The following UBE3D variants were observed in gnomAD, a reference collection of about 807,000 sequenced individuals.
UBE3D encodes the protein ubiquitin protein ligase E3D.
In UBE3D, 48 loss-of-function variants were observed where a neutral mutation model predicts 49.6. That is an observed-to-expected ratio of 0.97 (90% CI 0.77 to 1.23). The LOEUF (loss-of-function observed/expected upper bound fraction) is 1.23. Among genes scored for constraint, UBE3D ranks in the 50% most tolerant of loss-of-function variants. UBE3D has a pLI of 0.00. For missense variants in UBE3D, 452 were observed against 468.4 expected (o/e 0.96, Z 0.32); for synonymous variants, 189 against 174.2 (o/e 1.08, Z -0.67).
At chr6:83,013,963 G>A (rs1480697319) in intron 8 of UBE3D, among the ~76,000 whole-genome samples, 1 of 152,240 alleles carries the variant, frequency 6.6e-6, no homozygotes, top group Non-Finnish European at 1.5e-5. Flanking sequence ...CCTGAGGTAG[G>A]AAAATAAAGG....
At position 82,993,569 on chromosome 6, in the gene UBE3D, T is replaced by C. The variant is rs1779045073; in HGVS notation, c.1010+25404A>G. On this transcript the variant is annotated intron_variant, in intron 8 of 9. Coordinates refer to ENST00000369747, the MANE Select transcript of UBE3D (RefSeq NM_198920.3). ...CAATGCCTACACATCACTTCATTCA[T>C]GTGGATTCAACATAGGAATCAGTGT... Among the ~76,000 whole-genome samples the C allele has an allele frequency of 2.6e-5, 4 of 152,228 alleles. No individual in the cohort carries two copies. In the South Asian group the frequency reaches 8.3e-4, roughly 32 times the overall value.
chr6:82,915,841 T>G (rs750731244), intron 9 of UBE3D, among the ~76,000 whole-genome samples: 23 of 152,122 alleles, frequency 1.5e-4, no homozygotes, highest in Non-Finnish European at 3.4e-4. Flanking sequence ...TGACAACAGG[T>G]AGAGCAGGAA....
intron 9 of UBE3D, among the ~76,000 whole-genome samples, chr6:82,956,906 T>C (rs543621301): frequency 1.9e-4 from 29 of 152,324 alleles, no homozygotes; most frequent in African/African-American, 6.7e-4. Context: ...GGCACGCAGA[T>C]TGCCTGAGCT....
intron 4 of UBE3D, 49 bp from the exon 5 acceptor site, chr6:83,038,534 A>G: frequency 6.7e-7 from 1 of 1,500,120 alleles, no homozygotes; most frequent in South Asian, 1.2e-5. Context: ...TTTTCTTAAA[A>G]GGAATATATA....
In UBE3D at chr6:83,054,216, T is replaced by C; in HGVS notation, c.297A>G (p.Gln99=). The C allele has an allele frequency of 6.2e-7, 1 of 1,614,044 alleles. No homozygotes were observed. Among genetic ancestry groups the C allele is most frequent in the South Asian group, 1.1e-5 (1 of 91,078 alleles). ...LGTKLISMFN[Q]SSQTQECCTF... Reference sequence around the variant, plus strand: ...TGCAACATTCTTGGGTTTGCGAGCTTTGATTAAACATTGAAATCAGTTCTA... The same window carrying C: ...TGCAACATTCTTGGGTTTGCGAGCTCTGATTAAACATTGAAATCAGTTCTA... Residue 99 remains glutamine, a synonymous_variant, in exon 3 of 10, where the codon CAA becomes CAG. Coordinates refer to ENST00000369747, the MANE Select transcript of UBE3D (RefSeq NM_198920.3).
chr6:83,038,041 G>A (rs540653750), intron 5 of UBE3D: 229 of 146,778 alleles, frequency 1.6e-3, no homozygotes, highest in Non-Finnish European at 2.1e-3. Context: ...GAGTTACCAG[G>A]AAGGTAAAAT....
At chr6:83,022,819 C>T (rs558171448) in intron 6 of UBE3D, among the ~76,000 whole-genome samples, 1 of 151,546 alleles carries the variant, frequency 6.6e-6, no homozygotes, top group African/African-American at 2.4e-5. Flanking sequence ...AACTATTCAC[C>T]CCTACTGAAT....
At chr6:83,020,098 A>G (rs756265535) in intron 7 of UBE3D, among the ~76,000 whole-genome samples, 13 of 152,192 alleles carry the variant, frequency 8.5e-5, no homozygotes, top group Non-Finnish European at 5.9e-5. Flanking sequence ...ACTTTTTTGC[A>G]AGGTGATAAT....
intron 8 of UBE3D, among the ~76,000 whole-genome samples, chr6:82,968,474 C>T (rs139208538): frequency 1.1e-3 from 167 of 152,118 alleles, no homozygotes; most frequent in African/African-American, 3.9e-3. Flanking sequence ...ATCTTTTCTC[C>T]CAGTTTTCTT....
downstream of UBE3D, among the ~76,000 whole-genome samples, chr6:82,888,251 C>G (rs531726024): frequency 6.6e-6 from 1 of 150,928 alleles, no homozygotes; most frequent in East Asian, 2.0e-4. Context: ...AGGCAATCTA[C>G]TGCTGCTACT....
At chr6:82,914,489 G>A (rs1319041851) in intron 9 of UBE3D, among the ~76,000 whole-genome samples, 2 of 152,142 alleles carry the variant, frequency 1.3e-5, no homozygotes, top group Admixed American at 1.3e-4. Context: ...AGACACAGAC[G>A]ACATGGGGTA....
At chr6:82,926,824 AGT>A in intron 9 of UBE3D, among the ~76,000 whole-genome samples, 1 of 152,074 alleles carries the variant, frequency 6.6e-6, no homozygotes, top group South Asian at 2.1e-4. Flanking sequence ...TATTCTCTAT[AGT>A]GTCTTTTGCA....
At chr6:82,980,481 T>C (rs980276914) in intron 8 of UBE3D, among the ~76,000 whole-genome samples, 3 of 152,122 alleles carry the variant, frequency 2.0e-5, no homozygotes, top group Admixed American at 2.0e-4. Flanking sequence ...ATATTAGTCC[T>C]CTGTCAGTTG....
chr6:83,063,159 T>C (rs1272803742), intron 1 of UBE3D: 4 of 281,600 alleles, frequency 1.4e-5, no homozygotes, highest in Admixed American at 4.5e-5. Flanking sequence ...ATACCTGTAA[T>C]CCCAGCACTT....
At chr6:83,045,707 T>C (rs1782979191) in intron 3 of UBE3D, among the ~76,000 whole-genome samples, 1 of 152,168 alleles carries the variant, frequency 6.6e-6, no homozygotes, top group Non-Finnish European at 1.5e-5. Flanking sequence ...AGTGTATTAG[T>C]TCCCATATAC....
chr6:82,923,963 G>C (rs1434424652), intron 9 of UBE3D, among the ~76,000 whole-genome samples: 2 of 151,918 alleles, frequency 1.3e-5, no homozygotes, highest in East Asian at 3.9e-4. Context: ...ACAAATTTCA[G>C]CTTGTAATAT....
intron 3 of UBE3D, among the ~76,000 whole-genome samples, chr6:83,045,274 A>C: frequency 6.6e-6 from 1 of 151,716 alleles, no homozygotes; most frequent in East Asian, 1.9e-4. Flanking sequence ...CCAATCTATA[A>C]TTCTTCCACT....
chr6:83,020,358 T>A (rs563552257), intron 7 of UBE3D, among the ~76,000 whole-genome samples: 11 of 141,920 alleles, frequency 7.8e-5, no homozygotes, highest in Non-Finnish European at 1.4e-4. Flanking sequence ...TTTTTTTTTT[T>A]ACAAATAGAC....
rs1771015125 is a variant in UBE3D, at chr6:82,892,552, T to C, written c.*470A>G. On this transcript the variant is annotated 3_prime_UTR_variant, in exon 10 of 10. Coordinates refer to ENST00000369747, the MANE Select transcript of UBE3D (RefSeq NM_198920.3). ...CATCTCCTCTGAATAAAGTATAAAA[T>C]GTTTTCTACTTTTCTTTTTTAAAAT... 2 of 166,214 alleles carry C rather than the reference T, an allele frequency of 1.2e-5. No individual in the cohort carries two copies. 10.3% of individuals were successfully genotyped at this position (166,214 alleles called of 1,614,324 possible).
Sources: allele counts gnomAD v4.1 joint callset (sites outside exome capture counted in the v4.1 genomes callset), GRCh38; gene constraint gnomAD v4.1.1; transcripts MANE v1.5; gene names NCBI Gene and HGNC (gene_info 2026-07-23, HGNC 2026-07-21).